Variants in KIF6 observed in about 807,000 individuals in gnomAD.
KIF6 encodes the protein kinesin-like protein KIF6.
A neutral mutation model predicts 112.7 loss-of-function variants in KIF6; 106 were observed. The ratio of observed to expected loss-of-function variants is 0.94; its 90% confidence interval spans 0.80 to 1.11. The LOEUF is 1.11. Ranked by LOEUF, KIF6 falls within the 50% of genes least tolerant of loss-of-function variation. The pLI is 0.00. For synonymous variants in KIF6, 339 were observed against 339.9 expected, an observed-to-expected ratio of 1.00 and a Z score of 0.03; for missense variants, 929 against 964.0, an observed-to-expected ratio of 0.96 and a Z score of 0.48.
intron 3 of KIF6, among the ~76,000 whole-genome samples, chr6:39,667,352 G>A (rs1291463878): frequency 1.3e-5 from 2 of 152,144 alleles, no homozygotes; most frequent in Admixed American, 1.3e-4. Flanking sequence ...TGACGTTTAA[G>A]GCAACAGAAG....
intron 7 of KIF6, among the ~76,000 whole-genome samples, chr6:39,590,776 T>C (rs1374116240): frequency 6.6e-6 from 1 of 152,172 alleles, no homozygotes; most frequent in Non-Finnish European, 1.5e-5. Context: ...TTAAATCATG[T>C]GTTAGTAAAC....
At chr6:39,407,741 A>G (rs916482860) in intron 15 of KIF6, among the ~76,000 whole-genome samples, 2 of 152,192 alleles carry the variant, frequency 1.3e-5, no homozygotes, top group African/African-American at 4.8e-5. Context: ...TGCAGGAGTC[A>G]TTTATTCATG....
rs1562102074 is a variant in KIF6, at chr6:39,337,128, C to CTTT, written c.2429-581_2429-580insAAA. ...CTTTCTTCTCTTTCTTTCTTTCTTT[C>CTTT]CTCCTTCCTTCCTTCCTTTCTCTTT... On this transcript the variant is annotated intron_variant, in intron 22 of 22. Transcript: ENST00000287152. 1.3e-3 allele frequency among the ~76,000 whole-genome samples: 150 copies of CTTT among 114,292 alleles called. 6 individuals are homozygous for CTTT. Among genetic ancestry groups the CTTT allele is most frequent in the African/African-American group, 5.0e-3 (144 of 28,894 alleles). The allele number at this position is 114,292 out of a possible 152,430, so 75.0% of individuals were successfully genotyped here. A position where few individuals can be genotyped will look rare whatever the true frequency, so the allele number is the denominator to read the frequency against.
chr6:39,503,353 GA>G (rs1395355793), intron 13 of KIF6, among the ~76,000 whole-genome samples: 3 of 152,162 alleles, frequency 2.0e-5, no homozygotes, highest in South Asian at 2.1e-4. Flanking sequence ...TGTTACGAGA[GA>G]AATTTGTAGC....
chr6:39,523,645 CATATATATATATATATAT>C (rs56952665), intron 13 of KIF6, among the ~76,000 whole-genome samples: 807 of 32,518 alleles, frequency 0.025, 16 homozygotes, highest in East Asian at 0.081. Context: ...TTAATTCTGC[CATATATATATATATATAT>C]ATATATATAT....
chr6:39,596,056 G>T lies in KIF6; in HGVS notation c.844C>A (p.Gln282Lys). 2 of 1,612,888 alleles carry T rather than the reference G, an allele frequency of 1.2e-6. No individual in the cohort carries two copies. The highest frequency in any genetic ancestry group is 1.7e-6 in the Non-Finnish European group (2 of 1,178,992). Residue 282 changes from glutamine to lysine, a missense_variant and splice_region_variant, in exon 7 of 23, where the codon CAG becomes AAG. This residue lies in a region of KIF6 where 688 missense variants were observed against 662.7 expected (regional missense o/e 1.04). Transcript: ENST00000287152. ...ACATCCCACTCTGCCCATTTTACCTGTTCTAAGTAATGTAGTGACAAGTTG... is the reference window on the plus strand; with the variant it reads ...ACATCCCACTCTGCCCATTTTACCTTTTCTAAGTAATGTAGTGACAAGTTG... ...YINLSLHYLE[Q>K]VIIALSEKHR...
intron 15 of KIF6, among the ~76,000 whole-genome samples, chr6:39,389,215 A>G (rs959742953): frequency 1.3e-5 from 2 of 152,206 alleles, no homozygotes; most frequent in African/African-American, 4.8e-5. Context: ...TTACATCAGT[A>G]TTCAGTCTTC....
At chr6:39,636,458 T>C (rs1361366837) in intron 4 of KIF6, among the ~76,000 whole-genome samples, 1 of 151,960 alleles carries the variant, frequency 6.6e-6, no homozygotes, top group African/African-American at 2.4e-5. Flanking sequence ...TCCCAACAAA[T>C]GGCCTATTGA....
At chr6:39,454,989 C>G (rs1443133470) in intron 13 of KIF6, among the ~76,000 whole-genome samples, 1 of 150,762 alleles carries the variant, frequency 6.6e-6, no homozygotes, top group African/African-American at 2.4e-5. Flanking sequence ...ACAAAGCAGC[C>G]GGGAAGCTCG....
Position 39,596,158 on chromosome 6 carries a change from G to C in KIF6, c.742C>G (p.Leu248Val), listed in dbSNP as rs745640364. Residue 248 changes from leucine to valine, a missense_variant, in exon 7 of 23, where the codon CTG becomes GTG. This residue lies in a region of KIF6 where 688 missense variants were observed against 662.7 expected (regional missense o/e 1.04). Coordinates refer to ENST00000287152, the MANE Select transcript of KIF6 (RefSeq NM_145027.6). ...CGCTCTGAACCAGCCAGGTCAACCA[G>C]ATGGAGTTTGGCATGTCGTACAGTT... ...SATVRHAKLH[L>V]VDLAGSERVA... 6 of 1,614,030 alleles carry C rather than the reference G, an allele frequency of 3.7e-6. No homozygotes were observed. In the South Asian group the frequency reaches 5.5e-5, roughly 15 times the overall value.
At chr6:39,508,780 C>T (rs1381534496) in intron 13 of KIF6, among the ~76,000 whole-genome samples, 2 of 152,184 alleles carry the variant, frequency 1.3e-5, no homozygotes, top group African/African-American at 2.4e-5. Context: ...CTATAGATTC[C>T]ACTTCTGGGG....
At chr6:39,584,417 TAAAAAAAAA>T (rs61215070) in intron 9 of KIF6, among the ~76,000 whole-genome samples, 9 of 46,064 alleles carry the variant, frequency 2.0e-4, no homozygotes, top group Non-Finnish European at 4.3e-4. Flanking sequence ...ACTCTGTCTC[TAAAAAAAAA>T]AAAAAAAAAA....
rs1781389223 is a variant in KIF6 at position 39,583,156 on chromosome 6, AAAC to A, written c.1077+1739_1077+1741del. The A allele has an allele frequency of 1.5e-5, 4 of 258,232 alleles. No homozygotes were observed. The East Asian group carries it at 2.7e-4, about 17-fold the overall frequency. The allele number at this position is 258,232 out of a possible 1,614,324, so 16.0% of individuals were successfully genotyped here. On this transcript the variant is annotated intron_variant, in intron 9 of 22. Coordinates refer to ENST00000287152, the MANE Select transcript of KIF6 (RefSeq NM_145027.6). ...GCAAAAAACAAACAAACAAACAAAC[AAAC>A]AAAAACAAAACCCTCCAATGTCTAA...
intron 13 of KIF6, among the ~76,000 whole-genome samples, chr6:39,524,028 C>A (rs939893979): frequency 6.6e-6 from 1 of 152,020 alleles, no homozygotes; most frequent in African/African-American, 2.4e-5. Flanking sequence ...ATGTTCTCCA[C>A]CTCATTTAGA....
At chr6:39,674,769 C>G (rs1304178563) in intron 3 of KIF6, among the ~76,000 whole-genome samples, 6 of 149,756 alleles carry the variant, frequency 4.0e-5, no homozygotes, top group Non-Finnish European at 8.9e-5. Context: ...ATATGCACAT[C>G]AAATTTACAA....
chr6:39,677,457 A>G (rs1316581767), intron 3 of KIF6, among the ~76,000 whole-genome samples: 3 of 152,094 alleles, frequency 2.0e-5, no homozygotes, highest in Admixed American at 6.5e-5. Context: ...AAATGGATAA[A>G]CGTGGAATAT....
rs1283153185 is a variant in KIF6 at position 39,639,855 on chromosome 6, A to T, written c.252-98T>A. On this transcript the variant is annotated intron_variant, in intron 3 of 22. Transcript: ENST00000287152. ...AATAACAATCTTATTAAACACTATT[A>T]AAAAAACTTTATAGAAATATCTATT... 18 of 1,046,124 alleles carry T rather than the reference A, an allele frequency of 1.7e-5. No homozygotes were observed. In the Admixed American group the frequency reaches 3.1e-4, roughly 18 times the overall value. 64.8% of individuals were successfully genotyped at this position (1,046,124 alleles called of 1,614,324 possible).
intron 13 of KIF6, among the ~76,000 whole-genome samples, chr6:39,438,897 C>G (rs1007226661): frequency 1.3e-5 from 2 of 152,204 alleles, no homozygotes; most frequent in African/African-American, 4.8e-5. Context: ...TGCATTGTTA[C>G]TGTACTATTT....
At chr6:39,469,355 C>T (rs1191708696) in intron 13 of KIF6, among the ~76,000 whole-genome samples, 1 of 151,438 alleles carries the variant, frequency 6.6e-6, no homozygotes, top group Non-Finnish European at 1.5e-5. Context: ...ATTAAAAATC[C>T]AATCAAAAGT....
Sources: allele counts gnomAD v4.1 joint callset (sites outside exome capture counted in the v4.1 genomes callset), GRCh38; gene constraint gnomAD v4.1.1; regional missense constraint gnomAD v4.1.1; transcripts MANE v1.5; gene names NCBI Gene and HGNC (gene_info 2026-07-23, HGNC 2026-07-21).